The following SGCD variants were observed in gnomAD, a reference collection of about 807,000 sequenced individuals.
SGCD encodes the protein sarcoglycan delta, also known as delta-sarcoglycan.
Under a neutral mutation model 36.6 loss-of-function variants are expected in SGCD, and 18 were observed. That is an observed-to-expected ratio of 0.49 (90% confidence interval 0.34 to 0.73). The LOEUF is 0.73. SGCD is among the 30% of genes least tolerant of loss of function. SGCD has a pLI of 0.01. For missense variants in SGCD, 387 were observed against 346.7 expected, an observed-to-expected ratio of 1.12 and a Z score of -0.92; for synonymous variants, 133 against 130.6, an observed-to-expected ratio of 1.02 and a Z score of -0.12.
At chr5:156,077,170 A>T (rs776134812) in intron 1 of SGCD, among the ~76,000 whole-genome samples, 1 of 152,000 alleles carries the variant, frequency 6.6e-6, no homozygotes, top group Non-Finnish European at 1.5e-5. Context: ...CCTCTTTTTG[A>T]TAATATTTTG....
intron 3 of SGCD, among the ~76,000 whole-genome samples, chr5:156,232,838 C>T (rs1488397960): frequency 6.6e-6 from 1 of 152,096 alleles, no homozygotes; most frequent in Non-Finnish European, 1.5e-5. Context: ...CTGTACATTC[C>T]CCTACTTCCC....
At chr5:155,756,523 G>A in the SGCD span, among the ~76,000 whole-genome samples, 4 of 152,232 alleles carry the variant, frequency 2.6e-5, no homozygotes, top group East Asian at 5.8e-4. Context: ...ACAAAGCCCG[G>A]TTACTTTCAA....
intron 1 of SGCD, among the ~76,000 whole-genome samples, chr5:156,086,361 G>A (rs909260182): frequency 6.6e-6 from 1 of 152,250 alleles, no homozygotes; most frequent in Non-Finnish European, 1.5e-5. Flanking sequence ...TAACAGGTAT[G>A]AGTGCAGTGG....
intron 7 of SGCD, among the ~76,000 whole-genome samples, chr5:156,735,232 GGGAGGCTCCACCCA>G (rs1202018068): frequency 1.3e-5 from 2 of 152,172 alleles, no homozygotes; most frequent in Non-Finnish European, 2.9e-5. Context: ...GACCCTGGTT[GGGAGGCTCCACCCA>G]GTGATGAGGA....
chr5:155,942,295 CATGTATGTATGTATGT>C (rs561919666), intron 1 of SGCD, among the ~76,000 whole-genome samples: 9 of 146,954 alleles, frequency 6.1e-5, no homozygotes, highest in Admixed American at 1.4e-4. Flanking sequence ...TGTATGTACG[CATGTATGTATGTATGT>C]ATGTATGTAT....
At chr5:156,626,265 G>A (rs1762439445) in intron 6 of SGCD, among the ~76,000 whole-genome samples, 1 of 152,178 alleles carries the variant, frequency 6.6e-6, no homozygotes, top group Middle Eastern at 3.2e-3. Flanking sequence ...GCATCCCCTT[G>A]GAAATTTGTA....
At chr5:155,904,434 A>G (rs986170848) in intron 1 of SGCD, among the ~76,000 whole-genome samples, 5 of 152,242 alleles carry the variant, frequency 3.3e-5, no homozygotes, top group Non-Finnish European at 7.3e-5. Flanking sequence ...GTGTTGTACA[A>G]CCATCACCAC....
intron 1 of SGCD, among the ~76,000 whole-genome samples, chr5:155,903,941 G>A (rs578223206): frequency 7.2e-5 from 11 of 152,250 alleles, no homozygotes; most frequent in African/African-American, 2.2e-4. Flanking sequence ...CTTTGGCTGC[G>A]TGTCAGAAGG....
At chr5:156,169,281 G>A (rs1004125377) in intron 3 of SGCD, among the ~76,000 whole-genome samples, 5 of 152,154 alleles carry the variant, frequency 3.3e-5, no homozygotes, top group South Asian at 2.1e-4. Flanking sequence ...CTTGGGCCCC[G>A]ATGCTCTCTG....
At chr5:156,680,832 A>T (rs1327792713) in intron 7 of SGCD, among the ~76,000 whole-genome samples, 2 of 152,224 alleles carry the variant, frequency 1.3e-5, no homozygotes, top group African/African-American at 2.4e-5. Flanking sequence ...ACATGAAAGC[A>T]CATGCATAAT....
chr5:156,561,585 G>A (rs142243449), intron 4 of SGCD, among the ~76,000 whole-genome samples: 43 of 152,214 alleles, frequency 2.8e-4, no homozygotes, highest in African/African-American at 8.9e-4. Flanking sequence ...TTAGGGTGGC[G>A]GCCAGTGTCA....
chr5:155,938,287 G>A (rs1055009543), intron 1 of SGCD, among the ~76,000 whole-genome samples: 1 of 152,192 alleles, frequency 6.6e-6, no homozygotes, highest in Non-Finnish European at 1.5e-5. Flanking sequence ...GCAGGCCACA[G>A]GTGCCAGCTG....
At chr5:156,689,384 A>C (rs79897270) in intron 7 of SGCD, among the ~76,000 whole-genome samples, 2,675 of 152,312 alleles carry the variant, frequency 0.018, 33 homozygotes, top group Non-Finnish European at 0.029. Flanking sequence ...GAAGATCTCA[A>C]AATGTCAGCC....
the SGCD span, among the ~76,000 whole-genome samples, chr5:155,837,553 G>A: frequency 6.6e-6 from 1 of 152,146 alleles, no homozygotes; most frequent in African/African-American, 2.4e-5. Context: ...CTGTAAACCT[G>A]TGTTTCTCCA....
At chr5:156,446,931 C>T (rs1001669258) in intron 3 of SGCD, among the ~76,000 whole-genome samples, 1 of 152,144 alleles carries the variant, frequency 6.6e-6, no homozygotes, top group African/African-American at 2.4e-5. Flanking sequence ...ATGCAAATTT[C>T]CCAAGGTCAT....
intron 3 of SGCD, among the ~76,000 whole-genome samples, chr5:156,431,947 C>T (rs900745249): frequency 2.6e-5 from 4 of 152,124 alleles, no homozygotes; most frequent in African/African-American, 9.7e-5. Flanking sequence ...AACTTCTGAA[C>T]TCAGGTGATC....
rs961865297 is a variant in SGCD at position 156,760,850 on chromosome 5, A to G, written c.*1460A>G. On this transcript the variant is annotated 3_prime_UTR_variant, in exon 9 of 9. Coordinates refer to ENST00000337851, the MANE Select transcript of SGCD (RefSeq NM_000337.6). ...GCACATCTTATTTATCTTGTTACCT[A>G]TAGTTTACTTTGGGTGATTGGAGGG... The G allele has an allele frequency of 1.3e-5, 2 of 152,612 alleles. No homozygotes were observed. Among genetic ancestry groups the G allele is most frequent in the African/African-American group, 2.4e-5 (1 of 41,422 alleles). The allele number at this position is 152,612 out of a possible 1,614,324, so 9.5% of individuals were successfully genotyped here.
intron 4 of SGCD, among the ~76,000 whole-genome samples, chr5:156,588,680 A>G (rs1168033864): frequency 6.6e-6 from 1 of 152,228 alleles, no homozygotes; most frequent in Non-Finnish European, 1.5e-5. Context: ...CGGAGGCAGA[A>G]GCATACTTGG....
At chr5:155,928,666 CAA>C (rs58548934) in intron 1 of SGCD, among the ~76,000 whole-genome samples, 1,052 of 68,154 alleles carry the variant, frequency 0.015, 7 homozygotes, top group African/African-American at 0.047. Flanking sequence ...GACTCTGTCT[CAA>C]AAAAAAAAAA....
Sources: allele counts gnomAD v4.1 joint callset (sites outside exome capture counted in the v4.1 genomes callset), GRCh38; gene constraint gnomAD v4.1.1; transcripts MANE v1.5; gene names NCBI Gene and HGNC (gene_info 2026-07-23, HGNC 2026-07-21).